Variants in PIK3C2G observed in about 807,000 individuals in gnomAD.
PIK3C2G encodes phosphatidylinositol 3-kinase C2 domain-containing subunit gamma.
Under a neutral mutation model 181.1 loss-of-function variants are expected in PIK3C2G, and 168 were observed. That is an observed-to-expected ratio of 0.93 (90% CI 0.82 to 1.05). PIK3C2G has a LOEUF of 1.05. Among genes scored for constraint, PIK3C2G ranks in the 50% least tolerant of loss-of-function variants. The pLI is 0.00. For synonymous variants in PIK3C2G, 573 were observed against 592.2 expected (o/e 0.97, Z 0.47); for missense variants, 1,869 against 1,732.8 (o/e 1.08, Z -1.40).
At chr12:18,243,001 G>A (rs1460257453), upstream of PIK3C2G, among the ~76,000 whole-genome samples, 1 of 152,012 alleles carries the variant, frequency 6.6e-6, no homozygotes, top group Admixed American at 6.6e-5. Flanking sequence ...TTGCCCTGTT[G>A]GCATTTCTAC....
chr12:18,667,824 C>G, the PIK3C2G span, among the ~76,000 whole-genome samples: 1 of 152,148 alleles, frequency 6.6e-6, no homozygotes, highest in East Asian at 1.9e-4. Context: ...ACTTCAAACT[C>G]CATGCCATTT....
chr12:18,468,376 T>C (rs1938124865), intron 18 of PIK3C2G, among the ~76,000 whole-genome samples: 1 of 152,044 alleles, frequency 6.6e-6, no homozygotes, highest in Non-Finnish European at 1.5e-5. Flanking sequence ...GGACTTTTCT[T>C]TTAACTACTC....
chr12:18,364,506 T>C lies in PIK3C2G; in HGVS notation c.1748+1620T>C, dbSNP rs11044049. ...AATACAAAGATTTTTTTTTTAATTT[T>C]ATTTAGTCGACAGCAGGTAAAGCAG... is the stretch of plus-strand genomic sequence containing the variant. On this transcript the variant is annotated intron_variant, in intron 12 of 32. Transcript: ENST00000538779. 2.8e-3 allele frequency among the ~76,000 whole-genome samples: 419 copies of C among 152,316 alleles called. 1 individual carries two copies. Among genetic ancestry groups the C allele is most frequent in the African/African-American group, 9.3e-3 (387 of 41,572 alleles).
the PIK3C2G span, chr12:18,683,474 A>G: frequency 2.0e-6 from 3 of 1,466,166 alleles, no homozygotes; most frequent in Non-Finnish European, 2.8e-6. Flanking sequence ...TTAATCTTCC[A>G]CAAAAATTAA....
chr12:18,530,223 T>TCTCA (rs1943475112), intron 24 of PIK3C2G, among the ~76,000 whole-genome samples: 1 of 152,042 alleles, frequency 6.6e-6, no homozygotes, highest in East Asian at 1.9e-4. Flanking sequence ...CCAATAAAAA[T>TCTCA]CTCACACACT....
chr12:18,582,825 G>T (rs910580318), intron 29 of PIK3C2G, among the ~76,000 whole-genome samples: 1 of 151,782 alleles, frequency 6.6e-6, no homozygotes, highest in Non-Finnish European at 1.5e-5. Context: ...TTTTATGTGG[G>T]ACCCTGACCC....
At position 18,298,455 on chromosome 12, in the gene PIK3C2G, TC is replaced by T. The variant is rs1342718715; in HGVS notation, c.1034+4442del. Among the ~76,000 whole-genome samples, 4 of 151,096 alleles carry T rather than the reference TC, an allele frequency of 2.6e-5. No homozygotes were observed. In the East Asian group the frequency reaches 7.8e-4, roughly 29 times the overall value. ...GTTTCTTTTATATTCTGCATAATAG[TC>T]CTTGTTAGATTAACAGTTTGCAAAT... On this transcript the variant is annotated intron_variant, in intron 5 of 32. Coordinates refer to ENST00000538779, the MANE Select transcript of PIK3C2G (RefSeq NM_001288772.2).
At chr12:18,692,661 A>T in the PIK3C2G span, 3 of 649,270 alleles carry the variant, frequency 4.6e-6, no homozygotes, top group East Asian at 8.3e-5. Context: ...AGGAGAAAAA[A>T]ATCATTTCTA....
intron 18 of PIK3C2G, among the ~76,000 whole-genome samples, chr12:18,429,475 C>T (rs1946031358): frequency 6.6e-6 from 1 of 152,130 alleles, no homozygotes; most frequent in Admixed American, 6.5e-5. Context: ...TTCCCTGACC[C>T]TCTCCCAGCC....
the PIK3C2G span, among the ~76,000 whole-genome samples, chr12:18,705,702 C>T: frequency 6.6e-6 from 1 of 150,560 alleles, no homozygotes; most frequent in African/African-American, 2.4e-5. Context: ...CCCATCTCTA[C>T]TAAAATCACA....
At chr12:18,345,311 C>T (rs1939565559) in intron 10 of PIK3C2G, among the ~76,000 whole-genome samples, 1 of 152,158 alleles carries the variant, frequency 6.6e-6, no homozygotes, top group African/African-American at 2.4e-5. Flanking sequence ...CTACTGCTGA[C>T]TTCTCAGAGA....
At chr12:18,674,694 CCA>C in the PIK3C2G span, among the ~76,000 whole-genome samples, 6 of 152,136 alleles carry the variant, frequency 3.9e-5, no homozygotes, top group Non-Finnish European at 7.3e-5. Flanking sequence ...GCATAATGTT[CCA>C]CTGCTTGAAG....
intron 29 of PIK3C2G, among the ~76,000 whole-genome samples, chr12:18,571,310 C>A (rs1945928007): frequency 6.6e-6 from 1 of 150,594 alleles, no homozygotes; most frequent in Non-Finnish European, 1.5e-5. Context: ...TAAATATGGG[C>A]AATTTCGGTA....
rs141950922 is a variant in PIK3C2G, at chr12:18,613,417, T to C, written c.4182+3788T>C. ...CAAAAGATGGGAAAAGTAGTTTCTA[T>C]ATGAAAATTAACATGAGAGAGAGAG... On this transcript the variant is annotated intron_variant, in intron 31 of 32. Transcript: ENST00000538779. 3.5e-3 allele frequency among the ~76,000 whole-genome samples: 526 copies of C among 152,228 alleles called. 2 individuals carry two copies. The highest frequency in any genetic ancestry group is 0.012 in the African/African-American group (505 of 41,552).
intron 8 of PIK3C2G, among the ~76,000 whole-genome samples, chr12:18,333,737 C>A (rs944284165): frequency 1.3e-5 from 2 of 152,158 alleles, no homozygotes; most frequent in Non-Finnish European, 2.9e-5. Flanking sequence ...ATTCTAAATT[C>A]TCAATTTGTC....
At chr12:18,301,563 T>A (rs978872900) in intron 5 of PIK3C2G, among the ~76,000 whole-genome samples, 15 of 152,064 alleles carry the variant, frequency 9.9e-5, no homozygotes, top group Non-Finnish European at 2.1e-4. Context: ...TGTTTGTTCC[T>A]TTTTTATTAT....
chr12:18,716,635 G>A, the PIK3C2G span, among the ~76,000 whole-genome samples: 1 of 152,122 alleles, frequency 6.6e-6, no homozygotes, highest in African/African-American at 2.4e-5. Context: ...GAAACTTACA[G>A]GTGATAGTCT....
At chr12:18,659,962 A>G in the PIK3C2G span, among the ~76,000 whole-genome samples, 3 of 152,194 alleles carry the variant, frequency 2.0e-5, no homozygotes, top group Admixed American at 2.0e-4. Context: ...GAAATAAAGA[A>G]CACTGCTAAA....
chr12:18,611,356 C>T (rs996664317), intron 31 of PIK3C2G, among the ~76,000 whole-genome samples: 2 of 152,094 alleles, frequency 1.3e-5, no homozygotes, highest in African/African-American at 2.4e-5. Context: ...TTTCAGTCTG[C>T]CTTCTCAGTT....
Sources: allele counts gnomAD v4.1 joint callset (sites outside exome capture counted in the v4.1 genomes callset), GRCh38; gene constraint gnomAD v4.1.1; transcripts MANE v1.5; gene names NCBI Gene and HGNC (gene_info 2026-07-23, HGNC 2026-07-21).